ITSN1: variants seen among roughly 807,000 people sequenced by gnomAD.
ITSN1 encodes intersectin 1.
In ITSN1, 58 loss-of-function variants were observed where a neutral mutation model predicts 239.8. The ratio of observed to expected loss-of-function variants is 0.24; its 90% CI spans 0.20 to 0.30. ITSN1 has a LOEUF of 0.30. Ranked by LOEUF, ITSN1 falls within the 10% of genes least tolerant of loss-of-function variation. The pLI, the probability that ITSN1 is intolerant of heterozygous loss-of-function variation, is 1.00. For missense variants in ITSN1, 1,558 were observed against 2,103.3 expected, an observed-to-expected ratio of 0.74 and a Z score of 5.07; for synonymous variants, 780 against 770.8, an observed-to-expected ratio of 1.01 and a Z score of -0.20.
chr21:33,698,620 A>G (rs1466680641), intron 1 of ITSN1, among the ~76,000 whole-genome samples: 1 of 152,232 alleles, frequency 6.6e-6, no homozygotes, highest in Non-Finnish European at 1.5e-5. Context: ...GGCTTCAGAC[A>G]TGACAATAGG....
intron 29 of ITSN1, among the ~76,000 whole-genome samples, chr21:33,855,450 C>T (rs138288006): frequency 1.5e-4 from 23 of 152,354 alleles, no homozygotes; most frequent in Non-Finnish European, 1.3e-4. Context: ...GGATTCAGCC[C>T]GGACTCTCCC....
intron 16 of ITSN1, among the ~76,000 whole-genome samples, chr21:33,791,272 A>G (rs1410010859): frequency 2.0e-5 from 3 of 152,206 alleles, no homozygotes; most frequent in Non-Finnish European, 2.9e-5. Context: ...GATGAAGGAA[A>G]TGATAGAAAA....
chr21:33,675,467 T>C (rs2090536232), intron 1 of ITSN1, among the ~76,000 whole-genome samples: 1 of 151,866 alleles, frequency 6.6e-6, no homozygotes, highest in Admixed American at 6.6e-5. Flanking sequence ...CTTGGGAGGC[T>C]GAGGTGGGAG....
At chr21:33,646,996 GAAA>G (rs550295581) in intron 1 of ITSN1, among the ~76,000 whole-genome samples, 1 of 145,456 alleles carries the variant, frequency 6.9e-6, no homozygotes, top group African/African-American at 2.5e-5. Context: ...AAAAAAAAAA[GAAA>G]AAAAAAAGTT....
chr21:33,799,781 G>T (rs1243915579), intron 18 of ITSN1, 27 bp from the exon 19 acceptor site: 3 of 1,609,878 alleles, frequency 1.9e-6, no homozygotes, highest in East Asian at 2.2e-5. Context: ...ATTTATTTTT[G>T]TCCCCCCCAC....
intron 14 of ITSN1, among the ~76,000 whole-genome samples, chr21:33,776,558 A>AG (rs1318656623): frequency 2.6e-5 from 4 of 151,248 alleles, no homozygotes; most frequent in Non-Finnish European, 5.9e-5. Flanking sequence ...AAAAAAAAAA[A>AG]AAAGAGAGAG....
chr21:33,884,434 G>C (rs1304693137), intron 36 of ITSN1, among the ~76,000 whole-genome samples: 1 of 152,172 alleles, frequency 6.6e-6, no homozygotes, highest in Non-Finnish European at 1.5e-5. Flanking sequence ...CTGTCTTCAA[G>C]ACACTGCCCT....
intron 30 of ITSN1, among the ~76,000 whole-genome samples, 190 bp downstream of exon 30, chr21:33,857,047 C>T (rs1203636659): frequency 6.6e-6 from 1 of 152,262 alleles, no homozygotes; most frequent in African/African-American, 2.4e-5. Context: ...CCATGGCCAA[C>T]ATTGAGTCAT....
At chr21:33,678,879 AATTTTTGT>A (rs2090760355) in intron 1 of ITSN1, among the ~76,000 whole-genome samples, 1 of 152,066 alleles carries the variant, frequency 6.6e-6, no homozygotes, top group African/African-American at 2.4e-5. Context: ...ACGCCCAGCT[AATTTTTGT>A]ATTTTTAGTA....
rs1387285687 is a variant in ITSN1, at chr21:33,814,310, C to T, written c.2727+238C>T. On this transcript the variant is annotated intron_variant, in intron 22 of 39. Transcript: ENST00000381318. ...TGGGTTGATGAAGGAAGCTTCATTGCAGAAGTGGCACTTGAGCTGCATCTT... is the reference window on the plus strand; with the variant it reads ...TGGGTTGATGAAGGAAGCTTCATTGTAGAAGTGGCACTTGAGCTGCATCTT... 1.0e-5 allele frequency: 5 copies of T among 491,788 alleles called. No individual in the cohort carries two copies. The East Asian group carries it at 1.6e-4, about 16-fold the overall frequency. 30.5% of individuals were successfully genotyped at this position (491,788 alleles called of 1,614,324 possible). A position where few individuals can be genotyped will look rare whatever the true frequency, so the allele number is the denominator to read the frequency against.
chr21:33,783,658 TTAAC>T (rs1254675674), intron 16 of ITSN1, among the ~76,000 whole-genome samples: 2 of 151,112 alleles, frequency 1.3e-5, no homozygotes, highest in Non-Finnish European at 2.9e-5. Flanking sequence ...TATGCTCACA[TTAAC>T]TTTCATTGTC....
At position 33,897,411 on chromosome 21, in the gene ITSN1, A is replaced by G. The variant is rs898805557; in HGVS notation, c.*9111A>G. On this transcript the variant is annotated 3_prime_UTR_variant, in exon 40 of 40. Transcript: ENST00000381318. The stretch of plus-strand genomic sequence containing the variant: ...CGTATAGGTGGTGAACTTATGTGTA[A>G]ATACATGTGTACAGATGAGAAACTG... The G allele has an allele frequency of 6.6e-6, 1 of 152,238 alleles. No individual in the cohort carries two copies. The highest frequency in any genetic ancestry group is 1.5e-5 in the Non-Finnish European group (1 of 68,040). 9.4% of individuals were successfully genotyped at this position (152,238 alleles called of 1,614,324 possible).
intron 1 of ITSN1, among the ~76,000 whole-genome samples, chr21:33,673,016 T>C (rs1245136795): frequency 6.6e-6 from 1 of 152,112 alleles, no homozygotes; most frequent in Non-Finnish European, 1.5e-5. Context: ...GCGGAAACGA[T>C]TTAATAAGTG....
At chr21:33,649,359 T>G (rs539350803) in intron 1 of ITSN1, among the ~76,000 whole-genome samples, 33 of 152,188 alleles carry the variant, frequency 2.2e-4, no homozygotes, top group Non-Finnish European at 4.4e-4. Flanking sequence ...AGAATGTCAC[T>G]CCAGTTTTGT....
intron 27 of ITSN1, among the ~76,000 whole-genome samples, chr21:33,831,472 C>A (rs2074291093): frequency 6.6e-6 from 1 of 152,174 alleles, no homozygotes. Context: ...TTTGTCTGCC[C>A]ATGAGCAGGA....
Position 33,882,549 on chromosome 21 carries a change from G to A in ITSN1, c.4554+94G>A. The A allele has an allele frequency of 1.9e-6, 2 of 1,065,468 alleles. No individual in the cohort carries two copies. The highest frequency in any genetic ancestry group is 2.7e-6 in the Non-Finnish European group (2 of 732,292). 66.0% of individuals were successfully genotyped at this position (1,065,468 alleles called of 1,614,324 possible). ...GAGGTAGAGTTTTAGCAGGGTCAGG[G>A]GCTGTGGCATGCAGGAGAAGGCCAG... On this transcript the variant is annotated intron_variant, in intron 35 of 39. Coordinates refer to ENST00000381318, the MANE Select transcript of ITSN1 (RefSeq NM_003024.3). This position sits in a 1 kb window ranked among gnomAD's most constrained non-coding sequence, Gnocchi z 4.5.
intron 1 of ITSN1, among the ~76,000 whole-genome samples, chr21:33,717,805 G>A (rs2065250999): frequency 6.6e-6 from 1 of 152,132 alleles, no homozygotes; most frequent in Non-Finnish European, 1.5e-5. Flanking sequence ...CTGACCTTGT[G>A]ATCCGCCCGC....
chr21:33,817,434 G>A, intron 22 of ITSN1: 1 of 1,304,412 alleles, frequency 7.7e-7, no homozygotes, highest in Non-Finnish European at 1.0e-6. Context: ...CCCCCTCTGT[G>A]AAATTTACGC....
intron 1 of ITSN1, among the ~76,000 whole-genome samples, chr21:33,654,893 C>T (rs527883912): frequency 3.6e-4 from 55 of 152,290 alleles, no homozygotes; most frequent in African/African-American, 6.3e-4. Context: ...GCTGCATTCT[C>T]GTTCTTGAGT....
Sources: gnomAD v4.1 joint callset for allele counts (sites outside exome capture counted in the v4.1 genomes callset) on GRCh38, gnomAD v4.1.1 for gene constraint, Gnocchi (gnomAD v3.1) non-coding constraint, MANE v1.5 for transcripts, NCBI Gene and HGNC (gene_info 2026-07-23, HGNC 2026-07-21) for gene names.